Variants in BAZ2B observed in about 807,000 individuals in gnomAD.
BAZ2B encodes bromodomain adjacent to zinc finger domain 2B.
Under a neutral mutation model 246.0 loss-of-function variants are expected in BAZ2B, and 91 were observed. The ratio of observed to expected loss-of-function variants is 0.37; its 90% CI spans 0.31 to 0.44. The LOEUF (loss-of-function observed/expected upper bound fraction) is 0.44. Among genes scored for constraint, BAZ2B ranks in the 20% least tolerant of loss-of-function variants. BAZ2B has a pLI of 1.00. For missense variants in BAZ2B, 2,332 were observed against 2,533.7 expected (o/e 0.92, Z 1.71); for synonymous variants, 855 against 860.0 (o/e 0.99, Z 0.10).
the BAZ2B span, chr2:159,689,372 CT>C: frequency 0.65 from 107,236 of 165,640 alleles, 31,146 homozygotes; most frequent in Admixed American, 0.77. Context: ...TTTTACTTTC[CT>C]TTTTTTTTTT....
the BAZ2B span, among the ~76,000 whole-genome samples, chr2:159,639,079 G>T: frequency 6.6e-6 from 1 of 152,032 alleles, no homozygotes; most frequent in South Asian, 2.1e-4. Flanking sequence ...TACAGGCCAG[G>T]AGAGAGTAGC....
At chr2:159,644,344 C>G in the BAZ2B span, among the ~76,000 whole-genome samples, 4,147 of 152,306 alleles carry the variant, frequency 0.027, 97 homozygotes, top group Non-Finnish European at 0.046. Context: ...TTCACTAGAT[C>G]TTAAGGCTGG....
At chr2:159,510,495 A>G (rs897913646) in intron 2 of BAZ2B, among the ~76,000 whole-genome samples, 4 of 152,154 alleles carry the variant, frequency 2.6e-5, no homozygotes, top group African/African-American at 4.8e-5. Flanking sequence ...TAATGGTTAC[A>G]GAGTTTCTGT....
intron 2 of BAZ2B, among the ~76,000 whole-genome samples, chr2:159,550,489 A>G (rs531357157): frequency 6.6e-6 from 1 of 152,268 alleles, no homozygotes; most frequent in East Asian, 1.9e-4. Flanking sequence ...TTCTGCCTAT[A>G]TATCTCTTGC....
chr2:159,329,908 T>A (rs1240905819), intron 34 of BAZ2B, among the ~76,000 whole-genome samples: 1 of 152,168 alleles, frequency 6.6e-6, no homozygotes, highest in East Asian at 1.9e-4. Context: ...ACCTACCAGG[T>A]GATACTCCCA....
chr2:159,603,453 C>T (rs1045573476), intron 1 of BAZ2B, among the ~76,000 whole-genome samples: 1 of 152,128 alleles, frequency 6.6e-6, no homozygotes, highest in East Asian at 1.9e-4. Flanking sequence ...TATGCATTCC[C>T]ACATTTTTTC....
chr2:159,427,889 G>T, intron 13 of BAZ2B, 52 bp downstream of exon 13: 1 of 1,406,812 alleles, frequency 7.1e-7, no homozygotes, highest in Non-Finnish European at 1.0e-6. Context: ...CTTCATTTAG[G>T]TTATGGTACT....
At chr2:159,392,906 A>G (rs924837156) in intron 20 of BAZ2B, among the ~76,000 whole-genome samples, 2 of 151,928 alleles carry the variant, frequency 1.3e-5, no homozygotes, top group East Asian at 3.8e-4. Context: ...TTTTCAGTCA[A>G]GAGTATTTAT....
At chr2:159,582,364 A>G (rs1332018393) in intron 1 of BAZ2B, among the ~76,000 whole-genome samples, 1 of 152,216 alleles carries the variant, frequency 6.6e-6, no homozygotes, top group Non-Finnish European at 1.5e-5. Context: ...ATCGCTTTGT[A>G]ATACAAATAA....
At chr2:159,388,233 G>C (rs1232064953) in intron 21 of BAZ2B, among the ~76,000 whole-genome samples, 1 of 151,876 alleles carries the variant, frequency 6.6e-6, no homozygotes, top group African/African-American at 2.4e-5. Flanking sequence ...TACTAATTAA[G>C]TATAATAATA....
At chr2:159,399,192 T>TA (rs1286494613) in intron 17 of BAZ2B, among the ~76,000 whole-genome samples, 2 of 152,158 alleles carry the variant, frequency 1.3e-5, no homozygotes, top group Non-Finnish European at 2.9e-5. Context: ...TCTTTTACCT[T>TA]AAAATTTAAT....
the BAZ2B span, among the ~76,000 whole-genome samples, chr2:159,634,844 C>G: frequency 6.6e-6 from 1 of 152,186 alleles, no homozygotes; most frequent in Non-Finnish European, 1.5e-5. Flanking sequence ...ACACCCCTAG[C>G]CTGAATGACT....
At chr2:159,404,748 T>C in intron 16 of BAZ2B, 101 bp downstream of exon 16, 1 of 995,048 alleles carries the variant, frequency 1.0e-6, no homozygotes, top group Non-Finnish European at 1.4e-6. Flanking sequence ...AATATTAATG[T>C]GAAATATAGT....
chr2:159,581,186 T>G lies in BAZ2B; in HGVS notation c.-45-25321A>C, dbSNP rs557548250. On this transcript the variant is annotated intron_variant, in intron 1 of 36. Coordinates refer to ENST00000392783, the MANE Select transcript of BAZ2B (RefSeq NM_013450.4). The stretch of plus-strand genomic sequence containing the variant: ...CTACCCATCTGACAAAGGGCTAATA[T>G]CCAGAATCTACAAAGAACTTAAACA... 5.0e-4 allele frequency among the ~76,000 whole-genome samples: 76 copies of G among 151,544 alleles called. 1 individual carries two copies. Among genetic ancestry groups the G allele is most frequent in the African/African-American group, 1.8e-3 (75 of 41,252 alleles).
chr2:159,473,663 T>A (rs2078126511), intron 3 of BAZ2B, among the ~76,000 whole-genome samples: 1 of 152,220 alleles, frequency 6.6e-6, no homozygotes, highest in Non-Finnish European at 1.5e-5. Flanking sequence ...AGGGTGTTGA[T>A]TTTAGATCTT....
chr2:159,431,472 G>T (rs1045236203), intron 9 of BAZ2B, among the ~76,000 whole-genome samples: 2 of 152,126 alleles, frequency 1.3e-5, no homozygotes, highest in Non-Finnish European at 2.9e-5. Flanking sequence ...TAAAAGAGGG[G>T]ATTAAATTGA....
chr2:159,531,232 C>T (rs566930644), intron 2 of BAZ2B, among the ~76,000 whole-genome samples: 1 of 152,246 alleles, frequency 6.6e-6, no homozygotes, highest in South Asian at 2.1e-4. Flanking sequence ...CACTCTCTGA[C>T]CCTTACTTTC....
At chr2:159,341,690 A>G (rs1218319811) in intron 31 of BAZ2B, among the ~76,000 whole-genome samples, 1 of 152,242 alleles carries the variant, frequency 6.6e-6, no homozygotes, top group Non-Finnish European at 1.5e-5. Context: ...ACATGGAAAT[A>G]AACTATAAAT....
At position 159,430,884 on chromosome 2, in the gene BAZ2B, G is replaced by A. The variant is rs767555348; in HGVS notation, c.2173C>T (p.Leu725Phe). Reference sequence around the variant, plus strand: ...GTACCAGAGTGTGGGCTTGAAGTAAGTGTGGAAGAAGATGTACCAAGAAAA... The same window carrying A: ...GTACCAGAGTGTGGGCTTGAAGTAAATGTGGAAGAAGATGTACCAAGAAAA... Reference protein sequence around the residue: ...PAFLGTSSSTLTSSPHSGTSK... With the variant: ...PAFLGTSSSTFTSSPHSGTSK... The change falls in exon 10 of 37, where the codon CTT becomes TTT. Residue 725 changes from leucine (L) to phenylalanine (F), a missense_variant. Coordinates refer to ENST00000392783, the MANE Select transcript of BAZ2B (RefSeq NM_013450.4). 2.5e-6 allele frequency: 4 copies of A among 1,613,740 alleles called. No homozygotes were observed. The highest frequency in any genetic ancestry group is 3.4e-6 in the Non-Finnish European group (4 of 1,179,760).
Sources: allele counts gnomAD v4.1 joint callset (sites outside exome capture counted in the v4.1 genomes callset), GRCh38; gene constraint gnomAD v4.1.1; transcripts MANE v1.5; gene names NCBI Gene and HGNC (gene_info 2026-07-23, HGNC 2026-07-21).